The following SLC14A2 variants were observed in gnomAD, a reference collection of about 807,000 sequenced individuals.
SLC14A2 encodes the protein solute carrier family 14 member 2.
A neutral mutation model predicts 104.6 loss-of-function variants in SLC14A2; 91 were observed. The observed-to-expected ratio is 0.87, with a 90% confidence interval of 0.73 to 1.04. The LOEUF is 1.04. Among genes scored for constraint, SLC14A2 ranks in the 50% least tolerant of loss-of-function variants. The probability of loss-of-function intolerance (pLI) is 0.00; values close to 1 mark genes in which losing one functional copy is unlikely to be tolerated. For missense variants in SLC14A2, 1,189 were observed against 1,156.0 expected (o/e 1.03, Z -0.41); for synonymous variants, 476 against 466.4 (o/e 1.02, Z -0.27).
At chr18:45,432,350 G>A (rs1276673861) in intron 1 of SLC14A2, among the ~76,000 whole-genome samples, 3 of 152,108 alleles carry the variant, frequency 2.0e-5, no homozygotes, top group Admixed American at 1.3e-4. Flanking sequence ...TTGGGAATTC[G>A]CCATTATGAA....
intron 16 of SLC14A2, among the ~76,000 whole-genome samples, chr18:45,670,503 C>G (rs965605469): frequency 6.6e-6 from 1 of 152,186 alleles, no homozygotes; most frequent in Non-Finnish European, 1.5e-5. Context: ...CATCTGACCA[C>G]AAAATCACTT....
the SLC14A2 span, among the ~76,000 whole-genome samples, chr18:45,179,539 A>C: frequency 6.6e-6 from 1 of 152,224 alleles, no homozygotes; most frequent in African/African-American, 2.4e-5. Context: ...CCACATTGTA[A>C]GAAGAATAAA....
intron 1 of SLC14A2, among the ~76,000 whole-genome samples, chr18:45,317,021 A>G (rs901687607): frequency 6.6e-6 from 1 of 152,262 alleles, no homozygotes; most frequent in African/African-American, 2.4e-5. Context: ...ACTGAGACAC[A>G]GAAAAACTAA....
intron 2 of SLC14A2, among the ~76,000 whole-genome samples, chr18:45,572,974 TA>T (rs1368124440): frequency 6.6e-6 from 1 of 152,136 alleles, no homozygotes; most frequent in Non-Finnish European, 1.5e-5. Flanking sequence ...TGTTGGCAGT[TA>T]AAAAACCAAG....
chr18:45,626,660 G>A (rs903733186), intron 3 of SLC14A2, among the ~76,000 whole-genome samples: 23 of 151,474 alleles, frequency 1.5e-4, no homozygotes, highest in African/African-American at 4.9e-4. Flanking sequence ...TGCTCCCGGG[G>A]CTTCTTTTCC....
intron 1 of SLC14A2, among the ~76,000 whole-genome samples, chr18:45,418,339 C>T (rs1249103023): frequency 1.3e-5 from 2 of 152,124 alleles, no homozygotes; most frequent in Non-Finnish European, 2.9e-5. Context: ...AGAAGTGCCA[C>T]TAGAGGTGGC....
chr18:45,592,992 T>A (rs1599040774), intron 2 of SLC14A2, among the ~76,000 whole-genome samples: 1 of 152,106 alleles, frequency 6.6e-6, no homozygotes, highest in East Asian at 1.9e-4. Flanking sequence ...CAACTAAAGA[T>A]CCAAAGTTCT....
chr18:45,266,662 T>C (rs2084595096), intron 1 of SLC14A2, among the ~76,000 whole-genome samples: 1 of 152,122 alleles, frequency 6.6e-6, no homozygotes, highest in Non-Finnish European at 1.5e-5. Flanking sequence ...TGATTATCAG[T>C]TGGTATGTGG....
chr18:45,285,058 A>G (rs1468620832), intron 1 of SLC14A2, among the ~76,000 whole-genome samples: 1 of 152,156 alleles, frequency 6.6e-6, no homozygotes, highest in Non-Finnish European at 1.5e-5. Flanking sequence ...AAATTAGTAT[A>G]GAGATTTCCC....
At chr18:45,409,833 G>A (rs766923370) in intron 1 of SLC14A2, among the ~76,000 whole-genome samples, 14 of 152,130 alleles carry the variant, frequency 9.2e-5, no homozygotes, top group East Asian at 1.9e-4. Flanking sequence ...TCCACAGACC[G>A]GGGTTGGAGG....
At chr18:45,542,819 C>T (rs998234005) in intron 2 of SLC14A2, among the ~76,000 whole-genome samples, 1 of 152,152 alleles carries the variant, frequency 6.6e-6, no homozygotes, top group Admixed American at 6.5e-5. Context: ...TCGCTCATCT[C>T]ACTACCCTCA....
chr18:45,176,623 A>G, the SLC14A2 span, among the ~76,000 whole-genome samples: 1 of 152,148 alleles, frequency 6.6e-6, no homozygotes, highest in Admixed American at 6.6e-5. Context: ...AAAATGTCTT[A>G]TTTGACGTTG....
intron 2 of SLC14A2, among the ~76,000 whole-genome samples, chr18:45,518,599 C>CT (rs1416752978): frequency 6.6e-6 from 1 of 152,148 alleles, no homozygotes; most frequent in Non-Finnish European, 1.5e-5. Context: ...GTTAACTTGC[C>CT]TGGGGTCGCT....
At chr18:45,213,882 G>A (rs1011751597) in intron 1 of SLC14A2, among the ~76,000 whole-genome samples, 22 of 152,154 alleles carry the variant, frequency 1.4e-4, no homozygotes, top group Non-Finnish European at 5.9e-5. Context: ...CCAGGGCCCA[G>A]GGACGTTTGG....
intron 1 of SLC14A2, among the ~76,000 whole-genome samples, chr18:45,357,286 A>G (rs549271483): frequency 1.4e-5 from 2 of 144,630 alleles, no homozygotes; most frequent in Non-Finnish European, 3.0e-5. Context: ...GCAGGTTGAG[A>G]AAACAGATCT....
intron 16 of SLC14A2, 146 bp from the exon 17 acceptor site, chr18:45,672,748 TGTTAAA>T (rs1385056433): frequency 2.4e-5 from 15 of 620,068 alleles, no homozygotes; most frequent in African/African-American, 1.8e-4. Flanking sequence ...CTTTTGTTCC[TGTTAAA>T]GTTAACCTAT....
intron 7 of SLC14A2, among the ~76,000 whole-genome samples, chr18:45,640,293 ATG>A (rs1464696074): frequency 1.3e-5 from 2 of 151,618 alleles, no homozygotes; most frequent in East Asian, 3.9e-4. Flanking sequence ...AAAAAAATAC[ATG>A]TGGAGAGATG....
chr18:45,396,627 G>GTTTTTTTT (rs770748424), intron 1 of SLC14A2, among the ~76,000 whole-genome samples: 8 of 120,706 alleles, frequency 6.6e-5, no homozygotes, highest in Non-Finnish European at 8.8e-5. Context: ...GTTTTTTTTT[G>GTTTTTTTT]TTTTTGTTTT....
At chr18:45,483,948 AT>A (rs200807090) in intron 2 of SLC14A2, among the ~76,000 whole-genome samples, 1 of 147,778 alleles carries the variant, frequency 6.8e-6, no homozygotes, top group Non-Finnish European at 1.5e-5. Flanking sequence ...AGCCTCAAAG[AT>A]GGCAGAGGAT....
Sources: gnomAD v4.1 joint callset for allele counts (sites outside exome capture counted in the v4.1 genomes callset) on GRCh38, gnomAD v4.1.1 for gene constraint, MANE v1.5 for transcripts, NCBI Gene and HGNC (gene_info 2026-07-23, HGNC 2026-07-21) for gene names.